The following KRT83 variants were observed in gnomAD, a reference collection of about 807,000 sequenced individuals.
KRT83 encodes keratin, type II cuticular Hb3.
Under a neutral mutation model 52.9 loss-of-function variants are expected in KRT83, and 51 were observed. That is an observed-to-expected ratio of 0.96 (90% CI 0.77 to 1.22). KRT83 has a LOEUF of 1.22. Ranked by LOEUF, KRT83 falls within the 50% of genes most tolerant of loss-of-function variation. The pLI is 0.00. For missense variants in KRT83, 654 were observed against 666.5 expected (o/e 0.98, Z 0.21); for synonymous variants, 278 against 274.1 (o/e 1.01, Z -0.14).
At chr12:52,320,741 TTG>T (rs1377039692) in intron 1 of KRT83, among the ~76,000 whole-genome samples, 1 of 152,178 alleles carries the variant, frequency 6.6e-6, no homozygotes, top group East Asian at 1.9e-4. Flanking sequence ...CGTTCTGCTT[TTG>T]TGTTTTCAGT....
At chr12:52,316,665 GCA>G (rs1390686536) in intron 5 of KRT83, 72 bp from the exon 6 acceptor site, 2 of 1,612,104 alleles carry the variant, frequency 1.2e-6, no homozygotes, top group African/African-American at 1.3e-5. Flanking sequence ...TCAGATGATT[GCA>G]CAGATTGTGC....
At position 52,315,329 on chromosome 12, in the gene KRT83, A is replaced by G; in HGVS notation, c.1277T>C (p.Val426Ala). ...ATACTTACAGACATTCACAGCTTCAACACCTTCACACAGCCTGAGTGGGGA... is the reference window on the plus strand; with the variant it reads ...ATACTTACAGACATTCACAGCTTCAGCACCTTCACACAGCCTGAGTGGGGA... ...EGEEQRLCEG[V>A]EAVNVCVSSS... The change falls in exon 8 of 9, where the codon GTT becomes GCT. Residue 426 changes from valine (V) to alanine (A), a missense_variant. By Grantham distance (64) the Val-to-Ala change is moderately conservative. Transcript: ENST00000293670. 1 of 1,613,882 alleles carries G rather than the reference A, an allele frequency of 6.2e-7. No homozygotes were observed. Among genetic ancestry groups the G allele is most frequent in the South Asian group, 1.1e-5 (1 of 91,068 alleles).
intron 2 of KRT83, among the ~76,000 whole-genome samples, chr12:52,318,635 G>A (rs1938724407): frequency 6.6e-6 from 1 of 152,140 alleles, no homozygotes; most frequent in African/African-American, 2.4e-5. Context: ...CCCCTCAAAA[G>A]CAGATTCCTT....
intron 3 of KRT83, 30 bp from the exon 4 acceptor site, chr12:52,317,806 G>A (rs117028083): frequency 0.05 from 80,060 of 1,613,208 alleles, 2,355 homozygotes; most frequent in South Asian, 0.089. Flanking sequence ...CTGTGAGGCC[G>A]GCTTTCCTCA....
rs778623825 is a variant in KRT83, at chr12:52,315,942, C to T, written c.1213G>A (p.Asp405Asn). ...CGCCTGTAGGTGGCGATCTCGATATCCAGGCCTAGCTTGGAGTTCATCACC... is the reference window on the plus strand; with the variant it reads ...CGCCTGTAGGTGGCGATCTCGATATTCAGGCCTAGCTTGGAGTTCATCACC... Reference protein sequence around the residue: ...QEVMNSKLGLDIEIATYRRLL... With the variant: ...QEVMNSKLGLNIEIATYRRLL... Residue 405 changes from aspartate to asparagine, a missense_variant, in exon 7 of 9, where the codon GAT (aspartate) becomes AAT (asparagine). By Grantham distance (23) the Asp-to-Asn change is conservative. Coordinates refer to ENST00000293670, the MANE Select transcript of KRT83 (RefSeq NM_002282.3). The T allele has an allele frequency of 6.2e-6, 10 of 1,612,744 alleles. No individual in the cohort carries two copies. The South Asian group carries it at 7.7e-5, about 12-fold the overall frequency.
chr12:52,315,285 T>G (rs772148240), intron 8 of KRT83, 27 bp downstream of exon 8: 1 of 1,611,836 alleles, frequency 6.2e-7, no homozygotes, highest in South Asian at 1.1e-5. Context: ...AGTCTACATT[T>G]TCCTTTTCAG....
In KRT83 at chr12:52,319,383, G is replaced by T. The variant is rs758367305; in HGVS notation, c.385-19C>A. The stretch of plus-strand genomic sequence containing the variant: ...AGCGCACCTGCCACCCAGAGGCAGA[G>T]CCTAAGAACCTCTTCTTGCAGCATC... On this transcript the variant is annotated intron_variant, in intron 1 of 8. Coordinates refer to ENST00000293670, the MANE Select transcript of KRT83 (RefSeq NM_002282.3). 2.5e-6 allele frequency: 4 copies of T among 1,613,420 alleles called. 1 individual carries two copies. The South Asian group carries it at 4.4e-5, about 18-fold the overall frequency.
At position 52,321,365 on chromosome 12, in the gene KRT83, G is replaced by C. The variant is rs1938769725; in HGVS notation, c.-30C>G. On this transcript the variant is annotated 5_prime_UTR_variant, in exon 1 of 9. Transcript: ENST00000293670. The stretch of plus-strand genomic sequence containing the variant: ...GAGGTTAGGAGGTGTCTGAACAGTG[G>C]AGTAGATGGCAGAGGATGGAACCAA... 5 of 1,613,562 alleles carry C rather than the reference G, an allele frequency of 3.1e-6. No homozygotes were observed. Among genetic ancestry groups the C allele is most frequent in the Non-Finnish European group, 4.2e-6 (5 of 1,179,970 alleles).
chr12:52,320,967 C>T lies in KRT83; in HGVS notation c.369G>A (p.Ala123=), dbSNP rs200595102. The T allele has an allele frequency of 4.3e-6, 7 of 1,613,834 alleles. No individual in the cohort carries two copies. Among genetic ancestry groups the T allele is most frequent in the East Asian group, 2.2e-5 (1 of 44,880 alleles). ...CGACACCCACCTTGTCGATGAAGGCCGCGAATCTGCTGTTGAGGGACTTGA... is the reference window on the plus strand; with the variant it reads ...CGACACCCACCTTGTCGATGAAGGCTGCGAATCTGCTGTTGAGGGACTTGA... ...EQIKSLNSRF[A]AFIDKVRFLE... The change falls in exon 1 of 9, where the codon GCG becomes GCA. Residue 123 remains alanine, a synonymous_variant. Transcript: ENST00000293670.
In KRT83 at chr12:52,316,261, T is replaced by TAC. The variant is rs71092759; in HGVS notation, c.1042-150_1042-149dup. On this transcript the variant is annotated intron_variant, in intron 6 of 8. Transcript: ENST00000293670. ...ACCTTCCTTCCCTCCTCACTTACAC[T>TAC]ACACACACACACACACACACACACC... 2,279 of 811,362 alleles carry TAC rather than the reference T, an allele frequency of 2.8e-3. 3 individuals are homozygous for TAC. The highest frequency in any genetic ancestry group is 3.7e-3 in the Admixed American group (172 of 46,266). The allele number at this position is 811,362 out of a possible 1,614,324, so 50.3% of individuals were successfully genotyped here.
chr12:52,314,838 G>A lies in KRT83; in HGVS notation c.1295-20C>T. 6.3e-7 allele frequency: 1 copy of A among 1,591,812 alleles called. No individual in the cohort carries two copies. The highest frequency in any genetic ancestry group is 2.3e-5 in the East Asian group (1 of 44,006). On this transcript the variant is annotated intron_variant, in intron 8 of 8. Transcript: ENST00000293670. The stretch of plus-strand genomic sequence containing the variant: ...TGACACCTGTGGGAACAAGGGCAGG[G>A]TCAAGAGACCCCTGCTGATGGCCAT...
chr12:52,317,548 C>T (rs1390899081), intron 4 of KRT83, 133 bp downstream of exon 4: 5 of 1,082,624 alleles, frequency 4.6e-6, no homozygotes, highest in African/African-American at 1.6e-5. Flanking sequence ...CCTCTCCTTG[C>T]TCCCTGCCAA....
intron 8 of KRT83, 143 bp downstream of exon 8, chr12:52,315,169 T>C (rs576549407): frequency 9.0e-6 from 8 of 884,686 alleles, no homozygotes; most frequent in Non-Finnish European, 1.5e-5. Context: ...CTAACCTCAG[T>C]CTGTCTTGCT....
intron 7 of KRT83, 122 bp from the exon 8 acceptor site, chr12:52,315,465 T>A: frequency 9.3e-7 from 1 of 1,077,468 alleles, no homozygotes; most frequent in Non-Finnish European, 1.4e-6. Context: ...TATTCCCTTG[T>A]GCAGCTTAGA....
In KRT83 at chr12:52,314,488, G is replaced by A; in HGVS notation, c.*143C>T. ...TTCCAGTGGGATGAAAGGTGGGGAG[G>A]AGCCGCTGGTGGGAATGAGCCGATG... On this transcript the variant is annotated 3_prime_UTR_variant, in exon 9 of 9. Transcript: ENST00000293670. 1 of 781,700 alleles carries A rather than the reference G, an allele frequency of 1.3e-6. No homozygotes were observed. Among genetic ancestry groups the A allele is most frequent in the Middle Eastern group, 3.5e-4 (1 of 2,872 alleles). 48.4% of individuals were successfully genotyped at this position (781,700 alleles called of 1,614,324 possible).
intron 5 of KRT83, 85 bp from the exon 6 acceptor site, chr12:52,316,678 A>G: frequency 6.2e-7 from 1 of 1,609,998 alleles, no homozygotes. Flanking sequence ...CAGATTGTGC[A>G]GTGCTCGGCC....
At chr12:52,317,576 T>G in intron 4 of KRT83, 105 bp downstream of exon 4, 1 of 1,297,652 alleles carries the variant, frequency 7.7e-7, no homozygotes, top group Non-Finnish European at 1.1e-6. Flanking sequence ...GCCGTGAGCC[T>G]GGGTTCATAT....
intron 8 of KRT83, 139 bp downstream of exon 8, chr12:52,315,173 T>C (rs1026345112): frequency 4.4e-6 from 4 of 915,148 alleles, no homozygotes; most frequent in Middle Eastern, 2.6e-4. Flanking sequence ...CCTCAGTCTG[T>C]CTTGCTGCAT....
chr12:52,316,724 C>T, intron 5 of KRT83, 131 bp from the exon 6 acceptor site: 2 of 1,590,914 alleles, frequency 1.3e-6, no homozygotes, highest in Non-Finnish European at 1.7e-6. Context: ...CCCTGCCACC[C>T]CAACATGAGA....
Sources: allele counts gnomAD v4.1 joint callset (sites outside exome capture counted in the v4.1 genomes callset), GRCh38; gene constraint gnomAD v4.1.1; transcripts MANE v1.5; gene names NCBI Gene and HGNC (gene_info 2026-07-23, HGNC 2026-07-21).